Variants in FHDC1 observed in about 807,000 individuals in gnomAD.
FHDC1 encodes the protein FH2 domain-containing protein 1.
FHDC1 carries 25 observed loss-of-function variants against 52.6 expected under a neutral mutation model. That is an observed-to-expected ratio of 0.48 (90% CI 0.35 to 0.66). FHDC1 has a LOEUF of 0.66. Ranked by LOEUF, FHDC1 falls within the 30% of genes least tolerant of loss-of-function variation. The pLI, the probability that FHDC1 is intolerant of heterozygous loss-of-function variation, is 0.01. For synonymous variants in FHDC1, 616 were observed against 581.5 expected (o/e 1.06, Z -0.85); for missense variants, 1,459 against 1,452.8 (o/e 1.00, Z -0.07).
At chr4:152,948,000 G>A (rs763469631) in intron 2 of FHDC1, among the ~76,000 whole-genome samples, 13 of 152,316 alleles carry the variant, frequency 8.5e-5, no homozygotes, top group African/African-American at 2.9e-4. Context: ...TGTAGAACTA[G>A]ATAGAGCATT....
At chr4:152,954,067 G>A in intron 3 of FHDC1, 150 bp from the exon 4 acceptor site, 1 of 621,612 alleles carries the variant, frequency 1.6e-6, no homozygotes, top group South Asian at 1.9e-5. Flanking sequence ...AGGCAGTGGG[G>A]CTGTTATGAG....
At chr4:152,912,831 G>T in the FHDC1 span, among the ~76,000 whole-genome samples, 2 of 152,130 alleles carry the variant, frequency 1.3e-5, no homozygotes, top group African/African-American at 4.8e-5. Flanking sequence ...TCATCCCAAA[G>T]CTTCCAAATC....
chr4:152,951,159 CATTT>C (rs747343622), intron 2 of FHDC1, among the ~76,000 whole-genome samples: 16 of 152,180 alleles, frequency 1.1e-4, no homozygotes, highest in Admixed American at 3.9e-4. Context: ...CGAAACAAGT[CATTT>C]ATCCATCCTA....
At chr4:152,944,691 A>C (rs1278411304) in intron 2 of FHDC1, among the ~76,000 whole-genome samples, 2 of 152,192 alleles carry the variant, frequency 1.3e-5, no homozygotes, top group Admixed American at 1.3e-4. Context: ...TTTTTATGAA[A>C]TGCAGAAAAC....
intron 10 of FHDC1, among the ~76,000 whole-genome samples, chr4:152,970,029 T>C (rs1206899974): frequency 1.3e-5 from 2 of 152,174 alleles, no homozygotes; most frequent in Non-Finnish European, 2.9e-5. Flanking sequence ...TAAATTCAAC[T>C]TCCTTTTGAA....
chr4:152,937,903 G>A (rs1739445013), intron 1 of FHDC1, among the ~76,000 whole-genome samples: 1 of 152,146 alleles, frequency 6.6e-6, no homozygotes, highest in South Asian at 2.1e-4. Flanking sequence ...GCTCGGGCGG[G>A]GACCGGGGTG....
At chr4:152,958,486 C>T (rs1450776239) in intron 4 of FHDC1, among the ~76,000 whole-genome samples, 1 of 139,882 alleles carries the variant, frequency 7.1e-6, no homozygotes, top group African/African-American at 2.7e-5. Context: ...TCACCCTTCT[C>T]TTGAAATCCA....
At chr4:152,931,155 A>C in the FHDC1 span, among the ~76,000 whole-genome samples, 1 of 152,122 alleles carries the variant, frequency 6.6e-6, no homozygotes, top group East Asian at 1.9e-4. Context: ...CCCATAGCAA[A>C]AGAAACTGGC....
At chr4:152,927,557 C>A in the FHDC1 span, 2 of 1,548,328 alleles carry the variant, frequency 1.3e-6, no homozygotes, top group Non-Finnish European at 1.8e-6. Context: ...AGTTCGAAAA[C>A]CTGAAGATTC....
chr4:152,960,009 G>A (rs1740227192), intron 4 of FHDC1, among the ~76,000 whole-genome samples: 1 of 152,170 alleles, frequency 6.6e-6, no homozygotes, highest in Non-Finnish European at 1.5e-5. Flanking sequence ...CTCACCTGAA[G>A]ACACAATAGA....
chr4:152,926,022 TC>T, the FHDC1 span, among the ~76,000 whole-genome samples: 3 of 152,010 alleles, frequency 2.0e-5, no homozygotes, highest in Middle Eastern at 3.4e-3. Flanking sequence ...CAGAGGTTTC[TC>T]CCCAAAAGAG....
rs1044333143 is a variant in FHDC1 at position 152,977,613 on chromosome 4, T to G, written c.*890T>G. 2.0e-5 allele frequency: 3 copies of G among 150,322 alleles called. No homozygotes were observed. Among genetic ancestry groups the G allele is most frequent in the African/African-American group, 7.4e-5 (3 of 40,812 alleles). The allele number at this position is 150,322 out of a possible 1,614,324, so 9.3% of individuals were successfully genotyped here. On this transcript the variant is annotated 3_prime_UTR_variant, in exon 12 of 12. Transcript: ENST00000511601. ...GTGCACCACCACGCCTGGTTAATTG[T>G]TTTTTTTTAATTTATCTTTTGTAGA... is the stretch of plus-strand genomic sequence containing the variant.
At chr4:152,926,002 T>C in the FHDC1 span, among the ~76,000 whole-genome samples, 1 of 151,984 alleles carries the variant, frequency 6.6e-6, no homozygotes, top group Admixed American at 6.6e-5. Flanking sequence ...TGGGATTCCA[T>C]AAGGAAAAAC....
chr4:152,971,935 A>G (rs1740651174), intron 10 of FHDC1, among the ~76,000 whole-genome samples: 1 of 152,128 alleles, frequency 6.6e-6, no homozygotes, highest in African/African-American at 2.4e-5. Flanking sequence ...GGCAAAATTG[A>G]TAATGCATCA....
chr4:152,974,975 C>T lies in FHDC1; in HGVS notation c.1684C>T (p.Pro562Ser), dbSNP rs748345501. The change falls in exon 12 of 12, where the codon CCT (proline) becomes TCT (serine). Residue 562 changes from proline to serine, a missense_variant. Pro to Ser is a moderately conservative substitution (Grantham distance 74). Coordinates refer to ENST00000511601, the MANE Select transcript of FHDC1 (RefSeq NM_001371116.1). The stretch of plus-strand genomic sequence containing the variant: ...CTTCTTGGAGAGCTCCACCGGCAGC[C>T]CTGAGGAGCCCAATAAGTTCCACAG... Reference protein sequence around the residue: ...LTFLESSTGSPEEPNKFHSLP... With the variant: ...LTFLESSTGSSEEPNKFHSLP... 6.2e-7 allele frequency: 1 copy of T among 1,612,558 alleles called. No individual in the cohort carries two copies. Among genetic ancestry groups the T allele is most frequent in the Non-Finnish European group, 8.5e-7 (1 of 1,179,832 alleles).
intron 2 of FHDC1, among the ~76,000 whole-genome samples, chr4:152,946,427 AG>A (rs1739735615): frequency 6.6e-6 from 1 of 152,230 alleles, no homozygotes; most frequent in African/African-American, 2.4e-5. Context: ...TAGCGTGGCT[AG>A]GAGTATTATA....
the FHDC1 span, among the ~76,000 whole-genome samples, chr4:152,917,711 A>G: frequency 7.0e-3 from 1,062 of 152,328 alleles, 9 homozygotes; most frequent in Admixed American, 0.012. Context: ...TTAAACAGTC[A>G]TGAGTATTTG....
chr4:152,950,524 C>T (rs1174754488), intron 2 of FHDC1, among the ~76,000 whole-genome samples: 2 of 152,212 alleles, frequency 1.3e-5, no homozygotes, highest in African/African-American at 4.8e-5. Flanking sequence ...TCACCCAATT[C>T]TCTTTGTTTC....
chr4:152,913,288 T>C, the FHDC1 span, among the ~76,000 whole-genome samples: 26 of 152,258 alleles, frequency 1.7e-4, no homozygotes, highest in Non-Finnish European at 2.8e-4. Flanking sequence ...ATGCTTGCCT[T>C]TCTATCCACT....
Sources: gnomAD v4.1 joint callset for allele counts (sites outside exome capture counted in the v4.1 genomes callset) on GRCh38, gnomAD v4.1.1 for gene constraint, MANE v1.5 for transcripts, NCBI Gene and HGNC (gene_info 2026-07-23, HGNC 2026-07-21) for gene names.